The following SLC36A1 variants were observed in gnomAD, a reference collection of about 807,000 sequenced individuals.
SLC36A1 encodes the protein proton-coupled amino acid transporter 1.
A neutral mutation model predicts 47.5 loss-of-function variants in SLC36A1; 30 were observed. The observed-to-expected ratio is 0.63, with a 90% CI of 0.47 to 0.86. SLC36A1 has a LOEUF of 0.86. Among genes scored for constraint, SLC36A1 ranks in the 40% least tolerant of loss-of-function variants. The pLI is 0.00. For synonymous variants in SLC36A1, 255 were observed against 249.7 expected (o/e 1.02, Z -0.20); for missense variants, 517 against 606.0 (o/e 0.85, Z 1.54).
At chr5:151,403,365 A>G in the SLC36A1 span, among the ~76,000 whole-genome samples, 2 of 152,114 alleles carry the variant, frequency 1.3e-5, no homozygotes, top group African/African-American at 2.4e-5. Flanking sequence ...AAATCATGAG[A>G]GTGAATTTCT....
At chr5:151,531,726 G>A in the SLC36A1 span, 11 of 1,613,914 alleles carry the variant, frequency 6.8e-6, no homozygotes, top group Admixed American at 6.7e-5. This position sits in a 1 kb window ranked among gnomAD's most constrained non-coding sequence, Gnocchi z 5.7. Flanking sequence ...GCACCTGCAC[G>A]CTGTGCTCGG....
At chr5:151,437,981 C>G (rs1398590413) in intron 1 of SLC36A1, among the ~76,000 whole-genome samples, 1 of 152,100 alleles carries the variant, frequency 6.6e-6, no homozygotes, top group Non-Finnish European at 1.5e-5. Flanking sequence ...AGAAACTTCT[C>G]TCCTCTCTGA....
At chr5:151,554,734 T>TGCCACCC in the SLC36A1 span, 1 of 1,296,940 alleles carries the variant, frequency 7.7e-7, no homozygotes, top group African/African-American at 1.5e-5. Flanking sequence ...GACTATGCTT[T>TGCCACCC]AACAACCTGG....
the SLC36A1 span, among the ~76,000 whole-genome samples, chr5:151,421,276 C>T: frequency 6.8e-6 from 1 of 147,804 alleles, no homozygotes; most frequent in Admixed American, 6.9e-5. Context: ...AGGTCTGGCT[C>T]TGTTGCCCAG....
rs143088725 is a variant in SLC36A1, at chr5:151,441,256, C to T, written c.-6+4077C>T. ...TTGAGGCTGTAGTGTGCTATGATCA[C>T]TCCAATATGGGCAACATAGCAAGAC... On this transcript the variant is annotated intron_variant, in intron 1 of 8. Coordinates refer to the SLC36A1 transcript ENST00000429484. 4.9e-3 allele frequency among the ~76,000 whole-genome samples: 752 copies of T among 152,260 alleles called. 10 individuals carry two copies. Among genetic ancestry groups the T allele is most frequent in the African/African-American group, 0.017 (699 of 41,530 alleles).
the SLC36A1 span, among the ~76,000 whole-genome samples, chr5:151,410,276 T>TTC: frequency 6.9e-6 from 1 of 145,396 alleles, no homozygotes; most frequent in Admixed American, 6.8e-5. Context: ...AATTCATTCA[T>TTC]TCATTGAAAG....
chr5:151,348,706 C>T, the SLC36A1 span, among the ~76,000 whole-genome samples: 2 of 152,202 alleles, frequency 1.3e-5, no homozygotes, highest in African/African-American at 4.8e-5. Flanking sequence ...CTGGCTACTT[C>T]TGTGGGTTAG....
chr5:151,544,317 G>A, the SLC36A1 span: 1 of 1,614,212 alleles, frequency 6.2e-7, no homozygotes, highest in Non-Finnish European at 8.5e-7. Flanking sequence ...GGGAAAAAGT[G>A]GGAGGGTTAT....
chr5:151,433,471 A>G (rs1468174575), upstream of SLC36A1, among the ~76,000 whole-genome samples: 1 of 148,530 alleles, frequency 6.7e-6, no homozygotes, highest in African/African-American at 2.5e-5. Flanking sequence ...GTGTGTTTTT[A>G]GTAGAGACAG....
At chr5:151,386,080 A>T in the SLC36A1 span, among the ~76,000 whole-genome samples, 1 of 151,570 alleles carries the variant, frequency 6.6e-6, no homozygotes, top group African/African-American at 2.4e-5. Context: ...GGGTTTCACT[A>T]TGTTGGCCAG....
the SLC36A1 span, among the ~76,000 whole-genome samples, chr5:151,366,002 C>T: frequency 2.0e-5 from 3 of 152,170 alleles, no homozygotes; most frequent in Non-Finnish European, 4.4e-5. Context: ...CTGTTCATGC[C>T]TCTTCTGGTC....
upstream of SLC36A1, among the ~76,000 whole-genome samples, chr5:151,436,057 C>A (rs1334043592): frequency 1.3e-5 from 2 of 151,230 alleles, no homozygotes; most frequent in East Asian, 3.9e-4. Flanking sequence ...ATGTAATAGG[C>A]AATATATGAA....
At chr5:151,422,705 G>T in the SLC36A1 span, among the ~76,000 whole-genome samples, 906 of 152,192 alleles carry the variant, frequency 6.0e-3, 14 homozygotes, top group African/African-American at 0.021. Context: ...TTGAGTCTGG[G>T]TGACAGAAAG....
At chr5:151,519,131 G>C in the SLC36A1 span, among the ~76,000 whole-genome samples, 1 of 152,206 alleles carries the variant, frequency 6.6e-6, no homozygotes, top group African/African-American at 2.4e-5. Context: ...ATCACCTGAG[G>C]TCAGGAGTTC....
At chr5:151,401,400 C>T in the SLC36A1 span, among the ~76,000 whole-genome samples, 27 of 151,994 alleles carry the variant, frequency 1.8e-4, no homozygotes, top group African/African-American at 6.5e-4. Context: ...GTTTTTGTAC[C>T]AATACCATGC....
the SLC36A1 span, chr5:151,380,579 A>G: frequency 1.8e-6 from 1 of 547,288 alleles, no homozygotes; most frequent in Non-Finnish European, 3.7e-6. Flanking sequence ...ATGCGTCTGA[A>G]TGAGGACATC....
rs1024005683 is a variant in SLC36A1 at position 151,454,352 on chromosome 5, C to T, written c.-5-4436C>T. On this transcript the variant is annotated intron_variant, in intron 1 of 10. Coordinates refer to ENST00000243389, the MANE Select transcript of SLC36A1 (RefSeq NM_078483.4). ...GCTATCAGATTTCATCAAAGGGAGC[C>T]TAAGGGCAGTGTGGCCATGGATGCC... Among the ~76,000 whole-genome samples the T allele has an allele frequency of 9.2e-5, 14 of 152,132 alleles. No homozygotes were observed. In the South Asian group the frequency reaches 2.3e-3, roughly 25 times the overall value.
the SLC36A1 span, among the ~76,000 whole-genome samples, chr5:151,395,369 C>T: frequency 1.3e-5 from 2 of 152,194 alleles, no homozygotes; most frequent in Non-Finnish European, 2.9e-5. Context: ...GAGGTGATGC[C>T]TCACCCTGCT....
chr5:151,395,972 G>T, the SLC36A1 span, among the ~76,000 whole-genome samples: 1 of 151,538 alleles, frequency 6.6e-6, no homozygotes, highest in Admixed American at 6.6e-5. Flanking sequence ...AACATGGCTG[G>T]TTAATTTTTG....
Sources: allele counts gnomAD v4.1 joint callset (sites outside exome capture counted in the v4.1 genomes callset), GRCh38; gene constraint gnomAD v4.1.1; non-coding constraint Gnocchi (gnomAD v3.1); transcripts MANE v1.5; gene names NCBI Gene and HGNC (gene_info 2026-07-23, HGNC 2026-07-21).